RIN2: variants seen among roughly 807,000 people sequenced by gnomAD.
RIN2 encodes the protein Ras and Rab interactor 2.
In RIN2, 36 loss-of-function variants were observed where a neutral mutation model predicts 78.0. The ratio of observed to expected loss-of-function variants is 0.46; its 90% CI spans 0.35 to 0.61. The LOEUF (loss-of-function observed/expected upper bound fraction) is 0.61. RIN2 is among the 20% of genes least tolerant of loss of function. The probability of loss-of-function intolerance (pLI) is 0.00; values close to 1 mark genes in which losing one functional copy is unlikely to be tolerated. For synonymous variants in RIN2, 466 were observed against 466.8 expected, an observed-to-expected ratio of 1.00 and a Z score of 0.02; for missense variants, 1,087 against 1,159.7, an observed-to-expected ratio of 0.94 and a Z score of 0.91.
intron 1 of RIN2, among the ~76,000 whole-genome samples, chr20:19,763,122 T>C (rs958451310): frequency 1.3e-5 from 2 of 152,144 alleles, no homozygotes; most frequent in Admixed American, 6.5e-5. Flanking sequence ...CAGTGGCTCA[T>C]GCCTGTAATC....
chr20:19,889,519 A>T (rs1329257618), intron 2 of RIN2, 47 bp from the exon 3 acceptor site: 2 of 1,506,320 alleles, frequency 1.3e-6, no homozygotes, highest in Non-Finnish European at 1.8e-6. Context: ...CTTAGAAAGG[A>T]ATTTCCTACA....
At chr20:19,880,229 C>T (rs953660471) in intron 2 of RIN2, among the ~76,000 whole-genome samples, 2 of 141,124 alleles carry the variant, frequency 1.4e-5, no homozygotes, top group African/African-American at 5.3e-5. Flanking sequence ...CCATCCTGGG[C>T]AACAGAGTGA....
intron 1 of RIN2, among the ~76,000 whole-genome samples, chr20:19,775,701 C>T (rs1347663932): frequency 6.6e-6 from 1 of 152,216 alleles, no homozygotes; most frequent in Non-Finnish European, 1.5e-5. Context: ...TCATGTTAAT[C>T]AGTGGTAGAA....
intron 2 of RIN2, among the ~76,000 whole-genome samples, chr20:19,826,434 G>A (rs953584123): frequency 6.6e-6 from 1 of 152,122 alleles, no homozygotes; most frequent in Non-Finnish European, 1.5e-5. Context: ...CCCTGGGGTG[G>A]CCCTTCCCTG....
At chr20:19,982,856 G>A (rs1001669198) in intron 9 of RIN2, among the ~76,000 whole-genome samples, 1 of 152,172 alleles carries the variant, frequency 6.6e-6, no homozygotes, top group African/African-American at 2.4e-5. Flanking sequence ...CCATAACCCA[G>A]CTGCCTCTTC....
chr20:19,763,353 A>G (rs760710099), intron 1 of RIN2, among the ~76,000 whole-genome samples: 1 of 152,020 alleles, frequency 6.6e-6, no homozygotes, highest in Non-Finnish European at 1.5e-5. Context: ...ACTCCATTGC[A>G]CTCCAGCCTG....
At chr20:19,956,475 G>A (rs535400029) in intron 4 of RIN2, 140 bp from the exon 5 acceptor site, 89 of 703,660 alleles carry the variant, frequency 1.3e-4, no homozygotes, top group Middle Eastern at 8.8e-4. Context: ...TTTCAGTCTG[G>A]AAGAGAAGAT....
chr20:19,937,267 G>A lies in RIN2; in HGVS notation c.158+2068G>A, dbSNP rs117475805. Among the ~76,000 whole-genome samples the A allele has an allele frequency of 4.6e-5, 7 of 152,352 alleles. No individual in the cohort carries two copies. In the East Asian group the frequency reaches 1.3e-3, roughly 29 times the overall value. On this transcript the variant is annotated intron_variant, in intron 4 of 12. Coordinates refer to ENST00000255006, the MANE Select transcript of RIN2 (RefSeq NM_018993.4). ...AGCCTGGCACAGAGCAGCAGCCAAAGGGGAGAGGAGGGAAGAGGAAAGCAG... is the reference window on the plus strand; with the variant it reads ...AGCCTGGCACAGAGCAGCAGCCAAAAGGGAGAGGAGGGAAGAGGAAAGCAG...
rs571819390 is a variant in RIN2, at chr20:19,905,462, C to T, written c.57+15804C>T. Among the ~76,000 whole-genome samples the T allele has an allele frequency of 2.0e-5, 3 of 152,290 alleles. No individual in the cohort carries two copies. In the East Asian group the frequency reaches 5.8e-4, roughly 29 times the overall value. On this transcript the variant is annotated intron_variant, in intron 3 of 12. Transcript: ENST00000255006. ...TTCTGGCTGGGCGAAGTGGCTCATA[C>T]CTGTAATCCTAACTCTGTGGGAGGC...
intron 2 of RIN2, among the ~76,000 whole-genome samples, chr20:19,880,767 C>T (rs577768553): frequency 2.6e-5 from 4 of 152,156 alleles, no homozygotes; most frequent in Non-Finnish European, 5.9e-5. Context: ...TGAGCACATA[C>T]GTACCAGGCA....
intron 1 of RIN2, among the ~76,000 whole-genome samples, chr20:19,773,623 C>T (rs1029737822): frequency 2.6e-5 from 4 of 151,860 alleles, no homozygotes; most frequent in South Asian, 2.1e-4. Context: ...GATTTGGTGG[C>T]GTGCTGTCTA....
At chr20:19,949,970 C>T (rs1034006275) in intron 4 of RIN2, among the ~76,000 whole-genome samples, 2 of 152,154 alleles carry the variant, frequency 1.3e-5, no homozygotes, top group African/African-American at 4.8e-5. Context: ...CTTACTCTCC[C>T]ACCTGCTCAG....
intron 4 of RIN2, among the ~76,000 whole-genome samples, chr20:19,954,192 CCATGTGGAAATATCACACT>C (rs2041441704): frequency 6.6e-6 from 1 of 152,186 alleles, no homozygotes; most frequent in African/African-American, 2.4e-5. Context: ...GTAGAGTTGT[CCATGTGGAAATATCACACT>C]TCCTTCCTTT....
intron 2 of RIN2, among the ~76,000 whole-genome samples, chr20:19,827,027 G>A (rs1209273273): frequency 6.8e-6 from 1 of 147,968 alleles, no homozygotes; most frequent in African/African-American, 2.5e-5. Context: ...CCAGGCTGGA[G>A]TACAGTGGTG....
chr20:19,893,254 C>T (rs779722529), intron 3 of RIN2, among the ~76,000 whole-genome samples: 14 of 152,050 alleles, frequency 9.2e-5, no homozygotes, highest in Non-Finnish European at 1.3e-4. Context: ...TTGATGCTAC[C>T]GCAACGCACT....
intron 12 of RIN2, among the ~76,000 whole-genome samples, chr20:19,997,375 G>A (rs1304796760): frequency 1.3e-5 from 2 of 152,190 alleles, no homozygotes; most frequent in Non-Finnish European, 2.9e-5. Context: ...CCTGGCCAGG[G>A]CTTTTCCTGA....
Position 19,966,006 on chromosome 20 carries a change from G to A in RIN2, c.536+982G>A, listed in dbSNP as rs530917529. Among the ~76,000 whole-genome samples the A allele has an allele frequency of 4.6e-5, 7 of 152,254 alleles. No homozygotes were observed. In the South Asian group the frequency reaches 1.5e-3, roughly 32 times the overall value. ...CATTTTTTTCTTACTAGCAATAACA[G>A]TTTTTTCACATCAAGTGTTTTTTCA... On this transcript the variant is annotated intron_variant, in intron 7 of 12. Transcript: ENST00000255006.
intron 2 of RIN2, among the ~76,000 whole-genome samples, chr20:19,883,241 G>C (rs1214735142): frequency 6.6e-6 from 1 of 152,162 alleles, no homozygotes; most frequent in Non-Finnish European, 1.5e-5. Flanking sequence ...TGGCGAAGAG[G>C]GATGCCTCAG....
rs1049019706 is a variant in RIN2, at chr20:19,823,830, A to C, written c.-37+24083A>C. 1.1e-5 allele frequency: 17 copies of C among 1,605,776 alleles called. No homozygotes were observed. The African/African-American group carries it at 1.6e-4, about 15-fold the overall frequency. Reference sequence around the variant, plus strand: ...CAATGTCATCACCAACCTTTTTTGGAGACAGACCCAGGGGGCCGATCTTGG... The same window carrying C: ...CAATGTCATCACCAACCTTTTTTGGCGACAGACCCAGGGGGCCGATCTTGG... On this transcript the variant is annotated intron_variant, in intron 2 of 12. Transcript: ENST00000255006.
Sources: allele counts gnomAD v4.1 joint callset (sites outside exome capture counted in the v4.1 genomes callset), GRCh38; gene constraint gnomAD v4.1.1; transcripts MANE v1.5; gene names NCBI Gene and HGNC (gene_info 2026-07-23, HGNC 2026-07-21).